The following KCNIP1 variants were observed in gnomAD, a reference collection of about 807,000 sequenced individuals.
KCNIP1 encodes the protein A-type potassium channel modulatory protein KCNIP1.
Under a neutral mutation model 33.0 loss-of-function variants are expected in KCNIP1, and 18 were observed. The ratio of observed to expected loss-of-function variants is 0.55; its 90% CI spans 0.38 to 0.81. The LOEUF (loss-of-function observed/expected upper bound fraction) is 0.81. KCNIP1 is among the 30% of genes least tolerant of loss of function. The probability of loss-of-function intolerance (pLI) is 0.00; values close to 1 mark genes in which losing one functional copy is unlikely to be tolerated. For synonymous variants in KCNIP1, 93 were observed against 98.3 expected (o/e 0.95, Z 0.32); for missense variants, 238 against 271.6 (o/e 0.88, Z 0.87).
At chr5:170,714,818 C>A (rs532085848) in intron 1 of KCNIP1, among the ~76,000 whole-genome samples, 1 of 151,598 alleles carries the variant, frequency 6.6e-6, no homozygotes, top group South Asian at 2.1e-4. Context: ...ACAAAAGAGT[C>A]CAAAAGTTTG....
intron 1 of KCNIP1, chr5:170,379,120 C>G (rs954557383): frequency 3.2e-6 from 3 of 940,732 alleles, no homozygotes; most frequent in Non-Finnish European, 4.7e-6. Flanking sequence ...GCAGGCCATG[C>G]GCTGTACAGG....
chr5:170,643,152 G>A (rs915616451), intron 1 of KCNIP1, among the ~76,000 whole-genome samples: 2 of 152,216 alleles, frequency 1.3e-5, no homozygotes, highest in Non-Finnish European at 2.9e-5. Flanking sequence ...GAAACATGAT[G>A]ATGAGTCAGA....
chr5:170,506,951 T>G (rs1020621489), intron 1 of KCNIP1, among the ~76,000 whole-genome samples: 3 of 152,238 alleles, frequency 2.0e-5, no homozygotes, highest in African/African-American at 7.2e-5. Flanking sequence ...CTTGGAAACC[T>G]GGAGGAAGCC....
rs181121100 is a variant in KCNIP1, at chr5:170,722,697, C to G, written c.328-16C>G. On this transcript the variant is annotated splice_polypyrimidine_tract_variant and intron_variant, in intron 4 of 7. Coordinates refer to ENST00000328939, the MANE Select transcript of KCNIP1 (RefSeq NM_014592.4). The stretch of plus-strand genomic sequence containing the variant: ...GGCTTGATGGTTAATGTCACTCTGC[C>G]TTTTCCCCTTCTCAGGACTTTGTAA... 1 of 1,564,576 alleles carries G rather than the reference C, an allele frequency of 6.4e-7. No homozygotes were observed. Among genetic ancestry groups the G allele is most frequent in the East Asian group, 2.2e-5 (1 of 44,638 alleles).
intron 1 of KCNIP1, among the ~76,000 whole-genome samples, chr5:170,670,005 G>A (rs1361583282): frequency 2.0e-5 from 3 of 152,106 alleles, no homozygotes; most frequent in African/African-American, 2.4e-5. Context: ...AAGAATGCAG[G>A]GTTTGCCTGG....
intron 1 of KCNIP1, among the ~76,000 whole-genome samples, chr5:170,492,750 T>C (rs1757231385): frequency 6.9e-6 from 1 of 144,084 alleles, no homozygotes; most frequent in Admixed American, 7.2e-5. Flanking sequence ...AGACCAAATA[T>C]CTATCTATTT....
chr5:170,587,282 G>T (rs989120016), intron 1 of KCNIP1, among the ~76,000 whole-genome samples: 1 of 67,210 alleles, frequency 1.5e-5, no homozygotes, highest in Admixed American at 2.0e-4. Context: ...TTAGCCGGGT[G>T]TGACTGCAGG....
intron 1 of KCNIP1, among the ~76,000 whole-genome samples, chr5:170,602,762 A>T (rs1275907752): frequency 6.6e-6 from 1 of 152,134 alleles, no homozygotes; most frequent in African/African-American, 2.4e-5. Context: ...GCCCTGGCGG[A>T]TGGGTCTCCA....
intron 1 of KCNIP1, among the ~76,000 whole-genome samples, chr5:170,478,211 A>G (rs547470730): frequency 1.3e-5 from 2 of 152,338 alleles, no homozygotes; most frequent in African/African-American, 4.8e-5. Flanking sequence ...CTTTATCCAA[A>G]TGGACTTTAT....
At chr5:170,502,962 A>G (rs1757445379), upstream of KCNIP1, among the ~76,000 whole-genome samples, 1 of 152,240 alleles carries the variant, frequency 6.6e-6, no homozygotes, top group Non-Finnish European at 1.5e-5. Context: ...CGCCACTCAC[A>G]GAAGGGAAAT....
intron 1 of KCNIP1, among the ~76,000 whole-genome samples, chr5:170,626,610 A>G (rs1049999192): frequency 6.6e-6 from 1 of 152,216 alleles, no homozygotes; most frequent in Non-Finnish European, 1.5e-5. Flanking sequence ...AAGGGTGACC[A>G]GGTGTGGAGA....
At chr5:170,420,533 C>CAAAAAAAAAAA (rs201638118) in intron 1 of KCNIP1, 1 of 118,820 alleles carries the variant, frequency 8.4e-6, no homozygotes, top group African/African-American at 3.2e-5. Context: ...AACTCCAACT[C>CAAAAAAAAAAA]AAAAAAAAAA....
chr5:170,733,791 G>A (rs764250751), intron 6 of KCNIP1, 45 bp from the exon 7 acceptor site: 2 of 1,485,822 alleles, frequency 1.3e-6, no homozygotes, highest in Non-Finnish European at 9.4e-7. Flanking sequence ...GCTTTGGAAT[G>A]GAGATCACCA....
rs575994777 is a variant in KCNIP1, at chr5:170,555,522, G to A, written c.61+50889G>A. On this transcript the variant is annotated intron_variant, in intron 1 of 7. Transcript: ENST00000328939. ...TCAGTTGCAGTGGCCTCAGAATTCC[G>A]ACCAAGAGCTAGCTGGCCCCACGGT... 1.4e-4 allele frequency among the ~76,000 whole-genome samples: 21 copies of A among 152,274 alleles called. No homozygotes were observed. The East Asian group carries it at 1.9e-3, about 14-fold the overall frequency.
intron 1 of KCNIP1, among the ~76,000 whole-genome samples, chr5:170,513,217 A>C (rs574513986): frequency 6.6e-6 from 1 of 152,258 alleles, no homozygotes; most frequent in Non-Finnish European, 1.5e-5. Context: ...ATATCAAGCC[A>C]GAAGAGGCTT....
intron 1 of KCNIP1, chr5:170,389,278 G>A (rs1166802501): frequency 2.0e-5 from 3 of 152,378 alleles, no homozygotes; most frequent in Middle Eastern, 3.4e-3. Context: ...GGCGTCCTGT[G>A]GGTCTTGAGC....
chr5:170,614,164 C>T (rs1368872569), intron 1 of KCNIP1, among the ~76,000 whole-genome samples: 4 of 152,234 alleles, frequency 2.6e-5, no homozygotes, highest in Non-Finnish European at 5.9e-5. Context: ...TTGCCCTAAT[C>T]ATCTTCCTAA....
intron 1 of KCNIP1, among the ~76,000 whole-genome samples, chr5:170,412,932 T>C (rs1413988405): frequency 1.3e-5 from 2 of 152,148 alleles, no homozygotes; most frequent in Non-Finnish European, 2.9e-5. Flanking sequence ...GCCTCGTGAC[T>C]ATCTGACATA....
chr5:170,450,713 T>C (rs1756228850), intron 1 of KCNIP1, among the ~76,000 whole-genome samples: 2 of 152,144 alleles, frequency 1.3e-5, no homozygotes, highest in Admixed American at 1.3e-4. Flanking sequence ...CAGAAACAGT[T>C]TCCCCCTTCT....
Sources: gnomAD v4.1 joint callset for allele counts (sites outside exome capture counted in the v4.1 genomes callset) on GRCh38, gnomAD v4.1.1 for gene constraint, MANE v1.5 for transcripts, NCBI Gene and HGNC (gene_info 2026-07-23, HGNC 2026-07-21) for gene names.